ZNF423: variants seen among roughly 807,000 people sequenced by gnomAD.
ZNF423 encodes Ebf-associated zinc finger protein.
In ZNF423, 12 loss-of-function variants were observed where a neutral mutation model predicts 95.8. The observed-to-expected ratio is 0.13, with a 90% CI of 0.08 to 0.20. The LOEUF is 0.20. Among genes scored for constraint, ZNF423 ranks in the 10% least tolerant of loss-of-function variants. The probability of loss-of-function intolerance (pLI) is 1.00; values close to 1 mark genes in which losing one functional copy is unlikely to be tolerated. For missense variants in ZNF423, 1,316 were observed against 1,737.1 expected, an observed-to-expected ratio of 0.76 and a Z score of 4.31; for synonymous variants, 749 against 711.9, an observed-to-expected ratio of 1.05 and a Z score of -0.83.
intron 5 of ZNF423, among the ~76,000 whole-genome samples, chr16:49,558,157 G>A (rs896524587): frequency 2.0e-5 from 3 of 152,194 alleles, no homozygotes; most frequent in East Asian, 1.9e-4. Context: ...CAGGGCAGGC[G>A]TTCATAACTT....
chr16:49,683,276 C>G (rs1234916072), intron 3 of ZNF423, among the ~76,000 whole-genome samples: 2 of 152,206 alleles, frequency 1.3e-5, no homozygotes, highest in African/African-American at 4.8e-5. Context: ...GAGACAGACA[C>G]TGACCAGCAA....
chr16:49,500,235 C>G (rs1967340431), intron 7 of ZNF423, among the ~76,000 whole-genome samples: 1 of 152,066 alleles, frequency 6.6e-6, no homozygotes, highest in Non-Finnish European at 1.5e-5. Context: ...GTGGGGGTAC[C>G]CTGTGGCTAA....
intron 3 of ZNF423, among the ~76,000 whole-genome samples, chr16:49,694,334 G>A (rs1194964637): frequency 1.3e-5 from 2 of 152,186 alleles, no homozygotes; most frequent in African/African-American, 4.8e-5. Flanking sequence ...GTGGCGGGCT[G>A]AATGCACAGA....
intron 1 of ZNF423, among the ~76,000 whole-genome samples, chr16:49,789,772 A>G (rs1355370665): frequency 1.3e-5 from 2 of 152,142 alleles, no homozygotes; most frequent in Non-Finnish European, 1.5e-5. Context: ...TGGATCAGTT[A>G]TGGTTTCCCC....
intron 5 of ZNF423, among the ~76,000 whole-genome samples, chr16:49,564,984 G>A (rs1193269019): frequency 1.3e-5 from 2 of 152,172 alleles, no homozygotes; most frequent in African/African-American, 2.4e-5. Flanking sequence ...CATTTAGAAA[G>A]CTAACTTTTC....
At chr16:49,580,272 C>T (rs34224162) in intron 5 of ZNF423, among the ~76,000 whole-genome samples, 9,407 of 152,206 alleles carry the variant, frequency 0.062, 336 homozygotes, top group Middle Eastern at 0.085. Context: ...GCCCCACACC[C>T]AGCTGGCTCC....
intron 1 of ZNF423, among the ~76,000 whole-genome samples, chr16:49,816,996 G>A (rs2034866023): frequency 6.6e-6 from 1 of 152,176 alleles, no homozygotes; most frequent in South Asian, 2.1e-4. Context: ...GTGAAGAAAA[G>A]CATGTGTCTA....
intron 3 of ZNF423, among the ~76,000 whole-genome samples, chr16:49,678,051 T>C (rs1182420204): frequency 2.6e-5 from 4 of 151,920 alleles, no homozygotes; most frequent in African/African-American, 9.7e-5. Flanking sequence ...GGCGTGGTGA[T>C]GGGCGCCTGT....
chr16:49,646,073 A>T (rs1973159227), intron 3 of ZNF423, among the ~76,000 whole-genome samples: 2 of 152,182 alleles, frequency 1.3e-5, no homozygotes, highest in Admixed American at 1.3e-4. Context: ...CTGGAGAGGA[A>T]TCTCCAGCCA....
At chr16:49,833,788 G>A (rs566318993) in intron 1 of ZNF423, among the ~76,000 whole-genome samples, 2 of 151,940 alleles carry the variant, frequency 1.3e-5, no homozygotes, top group South Asian at 2.1e-4. Context: ...CAGGGATTTC[G>A]TGGGAAGGGA....
At chr16:49,850,168 G>A (rs903669539) in intron 1 of ZNF423, among the ~76,000 whole-genome samples, 2 of 152,180 alleles carry the variant, frequency 1.3e-5, no homozygotes, top group Admixed American at 6.5e-5. Context: ...GATCCTGGCA[G>A]GTAAGCTATG....
At chr16:49,681,583 C>T (rs953075770) in intron 3 of ZNF423, among the ~76,000 whole-genome samples, 2 of 152,158 alleles carry the variant, frequency 1.3e-5, no homozygotes, top group Admixed American at 6.5e-5. Flanking sequence ...GACCTCAGGC[C>T]GGATCGTTTC....
In ZNF423 at chr16:49,575,385, C is replaced by T. The variant is rs1480475001; in HGVS notation, c.3602-49891G>A. ...TCCACTAAACAAGCCCAACGCAAAA[C>T]TAGCTTCTCAGATCAGCAGTTTCCC... On this transcript the variant is annotated intron_variant, in intron 5 of 7. Coordinates refer to ENST00000563137, the MANE Select transcript of ZNF423 (RefSeq NM_001379286.1). Among the ~76,000 whole-genome samples the T allele has an allele frequency of 6.6e-5, 10 of 152,150 alleles. No individual in the cohort carries two copies. In the East Asian group the frequency reaches 1.9e-3, roughly 29 times the overall value.
At chr16:49,835,856 GCC>G (rs776270108) in intron 1 of ZNF423, among the ~76,000 whole-genome samples, 4 of 152,276 alleles carry the variant, frequency 2.6e-5, no homozygotes, top group Non-Finnish European at 5.9e-5. Flanking sequence ...GGAAAACGGG[GCC>G]CAGGAGGGGC....
chr16:49,530,103 GA>G (rs1968784814), intron 5 of ZNF423, among the ~76,000 whole-genome samples: 1 of 152,178 alleles, frequency 6.6e-6, no homozygotes, highest in South Asian at 2.1e-4. Flanking sequence ...TCGCTGTGTG[GA>G]CTGGAGTAAG....
At chr16:49,620,627 T>C (rs1054118654) in intron 5 of ZNF423, among the ~76,000 whole-genome samples, 2 of 152,054 alleles carry the variant, frequency 1.3e-5, no homozygotes, top group African/African-American at 2.4e-5. Flanking sequence ...CTGAGGACCA[T>C]CCCTTCCCAG....
intron 1 of ZNF423, among the ~76,000 whole-genome samples, chr16:49,794,237 T>G (rs1407722860): frequency 3.3e-5 from 1 of 30,330 alleles, no homozygotes; most frequent in Non-Finnish European, 8.0e-5. Context: ...TTTGTTTTTG[T>G]TTTTTTTTTT....
chr16:49,591,377 G>A (rs1027573319), intron 5 of ZNF423, among the ~76,000 whole-genome samples: 6 of 152,110 alleles, frequency 3.9e-5, no homozygotes, highest in African/African-American at 1.4e-4. Context: ...CAAGCCAAGT[G>A]TGCAAAAATA....
At chr16:49,681,561 G>T (rs2031357309) in intron 3 of ZNF423, among the ~76,000 whole-genome samples, 1 of 152,226 alleles carries the variant, frequency 6.6e-6, no homozygotes, top group Admixed American at 6.5e-5. Context: ...CAGCAAAGTA[G>T]AGACTAAATG....
Sources: allele counts gnomAD v4.1 joint callset (sites outside exome capture counted in the v4.1 genomes callset), GRCh38; gene constraint gnomAD v4.1.1; transcripts MANE v1.5; gene names NCBI Gene and HGNC (gene_info 2026-07-23, HGNC 2026-07-21).